Variants in SETD3 observed in about 807,000 individuals in gnomAD.
The protein encoded by SETD3 is SET domain containing 3, actin N3(tau)-histidine methyltransferase.
SETD3 carries 19 observed loss-of-function variants against 63.0 expected under a neutral mutation model. That is an observed-to-expected ratio of 0.30 (90% CI 0.21 to 0.44). SETD3 has a LOEUF of 0.44. SETD3 is among the 20% of genes least tolerant of loss of function. The pLI is 1.00. For synonymous variants in SETD3, 286 were observed against 264.1 expected (o/e 1.08, Z -0.80); for missense variants, 587 against 728.5 (o/e 0.81, Z 2.24).
In SETD3 at chr14:99,398,978, T is replaced by C; in HGVS notation, c.1486A>G (p.Lys496Glu). ...REYYRQQMEE[K>E]APLPKYEESN... ...TCTTCATATTTGGGAAGCGGAGCCTTTTCCTCCATCTGTTGGCGATAGTAT... is the reference window on the plus strand; with the variant it reads ...TCTTCATATTTGGGAAGCGGAGCCTCTTCCTCCATCTGTTGGCGATAGTAT... The change falls in exon 13 of 13, where the codon AAG becomes GAG. Residue 496 changes from lysine (K) to glutamate (E), a missense_variant. Transcript: ENST00000331768. 6.2e-7 allele frequency: 1 copy of C among 1,614,192 alleles called. No homozygotes were observed. The highest frequency in any genetic ancestry group is 8.5e-7 in the Non-Finnish European group (1 of 1,180,034).
At chr14:99,424,765 G>A (rs1256403005) in intron 6 of SETD3, among the ~76,000 whole-genome samples, 1 of 152,058 alleles carries the variant, frequency 6.6e-6, no homozygotes, top group Non-Finnish European at 1.5e-5. Context: ...AGTTTTCTCA[G>A]CAGTGCAGGG....
At chr14:99,466,692 C>T (rs902712067) in intron 1 of SETD3, among the ~76,000 whole-genome samples, 6 of 151,932 alleles carry the variant, frequency 3.9e-5, no homozygotes, top group South Asian at 2.1e-4. Flanking sequence ...GAAGGGAACC[C>T]GGCTGGAGAG....
chr14:99,458,157 A>G (rs1894864786), intron 6 of SETD3, 122 bp downstream of exon 6: 6 of 1,170,870 alleles, frequency 5.1e-6, no homozygotes, highest in Non-Finnish European at 7.1e-6. Context: ...TTATATTTTC[A>G]ATTTAAAAAG....
chr14:99,482,812 A>G (rs369149762), upstream of SETD3, among the ~76,000 whole-genome samples: 3 of 152,338 alleles, frequency 2.0e-5, no homozygotes, highest in African/African-American at 4.8e-5. Context: ...GCTGTGGCCT[A>G]TAAAATGGGC....
intron 6 of SETD3, among the ~76,000 whole-genome samples, chr14:99,435,972 T>C (rs1193958270): frequency 2.0e-5 from 3 of 152,032 alleles, no homozygotes; most frequent in African/African-American, 2.4e-5. Flanking sequence ...CAGTTCAGCA[T>C]GGTTGGGGAG....
At chr14:99,408,362 C>T (rs1175870480) in intron 8 of SETD3, among the ~76,000 whole-genome samples, 1 of 152,170 alleles carries the variant, frequency 6.6e-6, no homozygotes, top group Admixed American at 6.5e-5. Context: ...TGAAAATCAA[C>T]TCCATGAAGT....
In SETD3 at chr14:99,398,431, C is replaced by A. The variant is rs969309953; in HGVS notation, c.*248G>T. The stretch of plus-strand genomic sequence containing the variant: ...ATAGGTCTGCAAAATCTCCCACAGG[C>A]ACCTCTTCTCCCTTTCTTGTGGTTG... On this transcript the variant is annotated 3_prime_UTR_variant, in exon 13 of 13. Coordinates refer to ENST00000331768, the MANE Select transcript of SETD3 (RefSeq NM_032233.3). 4.2e-6 allele frequency: 2 copies of A among 480,002 alleles called. No individual in the cohort carries two copies. The highest frequency in any genetic ancestry group is 7.3e-5 in the Admixed American group (2 of 27,416). 29.7% of individuals were successfully genotyped at this position (480,002 alleles called of 1,614,324 possible). A position where few individuals can be genotyped will look rare whatever the true frequency, so the allele number is the denominator to read the frequency against.
intron 8 of SETD3, chr14:99,410,071 C>T (rs555829293): frequency 1.5e-5 from 11 of 733,908 alleles, no homozygotes; most frequent in East Asian, 1.3e-4. Context: ...GGCAGGAGGG[C>T]GGATGAGCTG....
At chr14:99,436,409 G>A (rs1374376705) in intron 6 of SETD3, among the ~76,000 whole-genome samples, 1 of 152,162 alleles carries the variant, frequency 6.6e-6, no homozygotes, top group Non-Finnish European at 1.5e-5. Context: ...CCTGACAGAA[G>A]TGTTAGGCAA....
intron 1 of SETD3, among the ~76,000 whole-genome samples, chr14:99,471,023 T>A (rs1027191709): frequency 6.6e-6 from 1 of 152,096 alleles, no homozygotes; most frequent in Non-Finnish European, 1.5e-5. Context: ...ACCTAAAATT[T>A]ACCTGGCTAA....
chr14:99,470,467 G>C (rs1001390242), intron 1 of SETD3, among the ~76,000 whole-genome samples: 4 of 152,158 alleles, frequency 2.6e-5, no homozygotes, highest in Non-Finnish European at 4.4e-5. Context: ...GGGGCAGGGG[G>C]GCTGCCTATC....
intron 6 of SETD3, among the ~76,000 whole-genome samples, chr14:99,431,888 C>CT (rs1450737699): frequency 6.6e-6 from 1 of 152,208 alleles, no homozygotes; most frequent in African/African-American, 2.4e-5. Context: ...GATGACCACT[C>CT]TACCACCACA....
intron 1 of SETD3, among the ~76,000 whole-genome samples, chr14:99,468,007 A>C (rs1895489560): frequency 6.6e-6 from 1 of 152,086 alleles, no homozygotes; most frequent in Non-Finnish European, 1.5e-5. Context: ...CTCGCACTTT[A>C]AGCAGTAGAT....
chr14:99,424,286 C>T (rs746821928), intron 6 of SETD3, among the ~76,000 whole-genome samples: 13 of 152,090 alleles, frequency 8.5e-5, no homozygotes, highest in Non-Finnish European at 1.3e-4. Flanking sequence ...CTCTTACATT[C>T]GGGGGACAGG....
At chr14:99,477,103 T>G (rs1896011445) in intron 1 of SETD3, among the ~76,000 whole-genome samples, 1 of 152,226 alleles carries the variant, frequency 6.6e-6, no homozygotes, top group Non-Finnish European at 1.5e-5. Flanking sequence ...AAATCTTAAC[T>G]TCAAAGATAG....
chr14:99,406,304 C>T (rs182962209), intron 9 of SETD3, among the ~76,000 whole-genome samples: 26 of 152,210 alleles, frequency 1.7e-4, no homozygotes, highest in Non-Finnish European at 2.9e-5. Context: ...TCTCTGTGGA[C>T]CCAAAGCACA....
rs776555466 is a variant in SETD3 at position 99,461,344 on chromosome 14, T to C, written c.197-4A>G. On this transcript the variant is annotated splice_region_variant and splice_polypyrimidine_tract_variant and intron_variant, in intron 3 of 12. Transcript: ENST00000331768. ...CCATCAAAAGTAACGGACAGACCTA[T>C]ATTAATCCACGTTTTAGAAAACAAG... 3 of 1,607,840 alleles carry C rather than the reference T, an allele frequency of 1.9e-6. No individual in the cohort carries two copies. Among genetic ancestry groups the C allele is most frequent in the South Asian group, 1.1e-5 (1 of 89,546 alleles).
intron 6 of SETD3, among the ~76,000 whole-genome samples, chr14:99,426,791 G>A (rs1394339150): frequency 2.6e-5 from 4 of 152,078 alleles, no homozygotes; most frequent in African/African-American, 4.8e-5. Flanking sequence ...ACACCAGAAC[G>A]GCCTGCCAAG....
intron 6 of SETD3, among the ~76,000 whole-genome samples, chr14:99,428,042 C>T (rs891380867): frequency 6.6e-6 from 1 of 152,178 alleles, no homozygotes; most frequent in African/African-American, 2.4e-5. Flanking sequence ...TTTGCAGAAT[C>T]GATTGGCACA....
Sources: allele counts gnomAD v4.1 joint callset (sites outside exome capture counted in the v4.1 genomes callset), GRCh38; gene constraint gnomAD v4.1.1; transcripts MANE v1.5; gene names NCBI Gene and HGNC (gene_info 2026-07-23, HGNC 2026-07-21).